OXSR1: variants seen among roughly 807,000 people sequenced by gnomAD.
OXSR1 encodes oxidative stress responsive kinase 1, also known as serine/threonine-protein kinase OSR1.
OXSR1 carries 24 observed loss-of-function variants against 79.8 expected under a neutral mutation model. That is an observed-to-expected ratio of 0.30 (90% CI 0.22 to 0.42). OXSR1 has a LOEUF of 0.42. Among genes scored for constraint, OXSR1 ranks in the 10% least tolerant of loss-of-function variants. The pLI is 1.00. For missense variants in OXSR1, 430 were observed against 618.4 expected (o/e 0.70, Z 3.23); for synonymous variants, 226 against 209.2 (o/e 1.08, Z -0.69).
chr3:38,190,223 T>C (rs1701957531), intron 2 of OXSR1, among the ~76,000 whole-genome samples: 1 of 152,204 alleles, frequency 6.6e-6, no homozygotes, highest in South Asian at 2.1e-4. Flanking sequence ...GATTTTTGGC[T>C]CAGATTTCTA....
Position 38,198,987 on chromosome 3 carries a change from T to C in OXSR1, c.434+124T>C, listed in dbSNP as rs1233612647. On this transcript the variant is annotated intron_variant, in intron 4 of 17. Coordinates refer to ENST00000311806, the MANE Select transcript of OXSR1 (RefSeq NM_005109.3). Reference sequence around the variant, plus strand: ...TATCACTAGTTTTAGTACACTGTGGTTAGAGTCTTAATTATACAGCTAGTA... The same window carrying C: ...TATCACTAGTTTTAGTACACTGTGGCTAGAGTCTTAATTATACAGCTAGTA... 7.1e-6 allele frequency: 5 copies of C among 703,206 alleles called. No individual in the cohort carries two copies. The East Asian group carries it at 7.8e-5, about 11-fold the overall frequency. The allele number at this position is 703,206 out of a possible 1,614,324, so 43.6% of individuals were successfully genotyped here. A position where few individuals can be genotyped will look rare whatever the true frequency, so the allele number is the denominator to read the frequency against.
chr3:38,194,244 A>G (rs1702034161), intron 3 of OXSR1, among the ~76,000 whole-genome samples: 1 of 152,194 alleles, frequency 6.6e-6, no homozygotes, highest in South Asian at 2.1e-4. Context: ...AGTCCAACTG[A>G]GATCTAAAGA....
At chr3:38,170,276 C>T (rs1181703225) in intron 1 of OXSR1, among the ~76,000 whole-genome samples, 1 of 151,820 alleles carries the variant, frequency 6.6e-6, no homozygotes, top group Non-Finnish European at 1.5e-5. Context: ...GAACTCCTTA[C>T]CTCAGATGAT....
intron 1 of OXSR1, among the ~76,000 whole-genome samples, chr3:38,170,997 T>C (rs1701570493): frequency 6.6e-6 from 1 of 152,156 alleles, no homozygotes; most frequent in Non-Finnish European, 1.5e-5. Context: ...GGCTGGTCTC[T>C]ACTTCTGGGC....
intron 2 of OXSR1, among the ~76,000 whole-genome samples, chr3:38,188,975 C>A (rs1049810971): frequency 1.3e-5 from 2 of 152,090 alleles, no homozygotes; most frequent in Admixed American, 6.5e-5. Context: ...ATACCTGGCA[C>A]GTAGTAGGGA....
At chr3:38,178,826 T>C (rs1701726806) in intron 1 of OXSR1, among the ~76,000 whole-genome samples, 1 of 151,620 alleles carries the variant, frequency 6.6e-6, no homozygotes, top group Admixed American at 6.6e-5. Context: ...AGAAATGTGT[T>C]GGCACACTTG....
chr3:38,206,663 T>C (rs1167759276), intron 4 of OXSR1, among the ~76,000 whole-genome samples: 2 of 152,194 alleles, frequency 1.3e-5, no homozygotes, highest in Non-Finnish European at 2.9e-5. Context: ...AAAAAATAGA[T>C]ATATGGATAT....
In OXSR1 at chr3:38,165,568, G is replaced by T. The variant is rs1324354108; in HGVS notation, c.-309G>T. ...TGCGTGGGGCTGGGGTGGAGGGCGG[G>T]ACAGAGGGGCTGGGCCCAGGCAAAG... On this transcript the variant is annotated 5_prime_UTR_variant, in exon 1 of 18. Transcript: ENST00000311806. 5.1e-6 allele frequency: 2 copies of T among 388,468 alleles called. No homozygotes were observed. Among genetic ancestry groups the T allele is most frequent in the Non-Finnish European group, 9.3e-6 (2 of 215,930 alleles). 24.1% of individuals were successfully genotyped at this position (388,468 alleles called of 1,614,324 possible). A position where few individuals can be genotyped will look rare whatever the true frequency, so the allele number is the denominator to read the frequency against.
chr3:38,230,236 G>T (rs1267311320), intron 9 of OXSR1, 129 bp from the exon 10 acceptor site: 4 of 677,416 alleles, frequency 5.9e-6, no homozygotes, highest in African/African-American at 1.8e-5. Flanking sequence ...GTGAAAGAAT[G>T]AAAGTTTTTC....
At chr3:38,212,375 G>A (rs879314516) in intron 4 of OXSR1, among the ~76,000 whole-genome samples, 3 of 152,166 alleles carry the variant, frequency 2.0e-5, no homozygotes, top group Non-Finnish European at 4.4e-5. Context: ...TTTCCTCTTT[G>A]ACTTCTAGGA....
chr3:38,169,227 C>G (rs1454879605), intron 1 of OXSR1, among the ~76,000 whole-genome samples: 1 of 151,686 alleles, frequency 6.6e-6, no homozygotes, highest in Admixed American at 6.6e-5. Context: ...ATTTATTAGA[C>G]TTTCATGGAT....
intron 1 of OXSR1, among the ~76,000 whole-genome samples, chr3:38,170,315 G>C (rs553475612): frequency 3.6e-4 from 55 of 152,230 alleles, no homozygotes; most frequent in African/African-American, 1.3e-3. Flanking sequence ...CAAAGTGTTG[G>C]GGTTACAGGT....
rs73827645 is a variant in OXSR1, at chr3:38,211,500, G to A, written c.435-4596G>A. Among the ~76,000 whole-genome samples, 187 of 152,178 alleles carry A rather than the reference G, an allele frequency of 1.2e-3. 1 individual carries two copies. The highest frequency in any genetic ancestry group is 4.4e-3 in the African/African-American group (181 of 41,510). The stretch of plus-strand genomic sequence containing the variant: ...GTTTTAAAGATAGATCTTATTTGTT[G>A]TAAAGACAATTAGGTCTTAAATGTT... On this transcript the variant is annotated intron_variant, in intron 4 of 17. Transcript: ENST00000311806.
intron 1 of OXSR1, among the ~76,000 whole-genome samples, chr3:38,171,703 A>C (rs552011246): frequency 6.6e-6 from 1 of 152,044 alleles, no homozygotes; most frequent in East Asian, 1.9e-4. Context: ...CACCTTAAGC[A>C]TGCTTTGGCA....
intron 13 of OXSR1, 75 bp from the exon 14 acceptor site, chr3:38,247,593 C>G (rs1391776001): frequency 9.7e-7 from 1 of 1,030,916 alleles, no homozygotes; most frequent in Non-Finnish European, 1.5e-6. Flanking sequence ...TAAATGATTC[C>G]TCTGCCAGTG....
intron 2 of OXSR1, among the ~76,000 whole-genome samples, chr3:38,186,157 A>G (rs1227089763): frequency 2.0e-5 from 3 of 152,084 alleles, no homozygotes; most frequent in African/African-American, 7.2e-5. Context: ...AACCATAAAG[A>G]AGAAATAATA....
intron 1 of OXSR1, among the ~76,000 whole-genome samples, chr3:38,176,885 C>A (rs1175048652): frequency 6.6e-6 from 1 of 152,158 alleles, no homozygotes; most frequent in Non-Finnish European, 1.5e-5. Flanking sequence ...TCAAACATTT[C>A]TTTATCTACA....
chr3:38,166,192 T>A (rs1281451380), intron 1 of OXSR1, among the ~76,000 whole-genome samples: 1 of 151,924 alleles, frequency 6.6e-6, no homozygotes, highest in Non-Finnish European at 1.5e-5. Context: ...GAGAGATTTG[T>A]GTACAGGATT....
chr3:38,169,394 C>G (rs1212156658), intron 1 of OXSR1, among the ~76,000 whole-genome samples: 1 of 151,928 alleles, frequency 6.6e-6, no homozygotes, highest in Admixed American at 6.6e-5. Flanking sequence ...CAACCTCTGT[C>G]TCTTGAGTTC....
Sources: allele counts gnomAD v4.1 joint callset (sites outside exome capture counted in the v4.1 genomes callset), GRCh38; gene constraint gnomAD v4.1.1; transcripts MANE v1.5; gene names NCBI Gene and HGNC (gene_info 2026-07-23, HGNC 2026-07-21).